Variants in WASHC2A observed in about 807,000 individuals in gnomAD.
The protein encoded by WASHC2A is WASH complex subunit 2A, also known as WASH complex subunit FAM21A.
A neutral mutation model predicts 140.3 loss-of-function variants in WASHC2A; 82 were observed. The ratio of observed to expected loss-of-function variants is 0.58; its 90% CI spans 0.49 to 0.70. The LOEUF is 0.70. WASHC2A is among the 30% of genes least tolerant of loss of function. The pLI, the probability that WASHC2A is intolerant of heterozygous loss-of-function variation, is 0.00. For synonymous variants in WASHC2A, 340 were observed against 560.8 expected (o/e 0.61, Z 5.56); for missense variants, 985 against 1,521.8 (o/e 0.65, Z 5.87).
chr10:50,084,804 T>C, intron 6 of WASHC2A, among the ~76,000 whole-genome samples: 1 of 147,652 alleles, frequency 6.8e-6, no homozygotes, highest in African/African-American at 2.5e-5. Context: ...GGCGCGATCT[T>C]GGCTCACTGC....
At chr10:50,074,907 C>T (rs1425078343) in intron 3 of WASHC2A, among the ~76,000 whole-genome samples, 1 of 151,416 alleles carries the variant, frequency 6.6e-6, no homozygotes, top group Non-Finnish European at 1.5e-5. Context: ...CAGAGCAAGA[C>T]TCCGTCTCAA....
chr10:50,124,497 G>C (rs1843256584), intron 23 of WASHC2A, among the ~76,000 whole-genome samples: 1 of 152,060 alleles, frequency 6.6e-6, no homozygotes, highest in African/African-American at 2.4e-5. Flanking sequence ...AACCAATAAT[G>C]TTGATGGTAA....
At chr10:50,102,864 T>C (rs2132736325) in intron 17 of WASHC2A, among the ~76,000 whole-genome samples, 1 of 150,828 alleles carries the variant, frequency 6.6e-6, no homozygotes, top group East Asian at 1.9e-4. Context: ...TTCTTGATTT[T>C]TATATTTTTT....
intron 18 of WASHC2A, among the ~76,000 whole-genome samples, chr10:50,104,933 T>C (rs1841605506): frequency 6.7e-6 from 1 of 149,574 alleles, no homozygotes; most frequent in Non-Finnish European, 1.5e-5. Flanking sequence ...AGCTTTTCCT[T>C]ATTTTTTTTA....
intron 17 of WASHC2A, among the ~76,000 whole-genome samples, chr10:50,102,363 T>C (rs1443330334): frequency 2.0e-5 from 3 of 152,164 alleles, no homozygotes; most frequent in African/African-American, 7.2e-5. Flanking sequence ...GTAATGGAAG[T>C]GTCTTTTCTT....
At chr10:50,125,289 T>C (rs2133063278) in intron 24 of WASHC2A, 48 bp downstream of exon 24, 2 of 1,598,640 alleles carry the variant, frequency 1.3e-6, no homozygotes, top group Non-Finnish European at 1.7e-6. Context: ...TTGTATTGGG[T>C]GCTGTCTCAA....
Position 50,069,795 on chromosome 10 carries a change from C to A in WASHC2A, c.291+84C>A, listed in dbSNP as rs868938687. 194 of 1,409,746 alleles carry A rather than the reference C, an allele frequency of 1.4e-4. 2 individuals carry two copies. The Middle Eastern group carries it at 4.3e-3, about 31-fold the overall frequency. 87.3% of individuals were successfully genotyped at this position (1,409,746 alleles called of 1,614,324 possible). On this transcript the variant is annotated intron_variant, in intron 3 of 30. Transcript: ENST00000282633. Reference sequence around the variant, plus strand: ...AAATAACTTACTGTTAGGTTCCCTCCTAAATTTTGGTGGAAGTGTGGTTCT... The same window carrying A: ...AAATAACTTACTGTTAGGTTCCCTCATAAATTTTGGTGGAAGTGTGGTTCT...
intron 3 of WASHC2A, among the ~76,000 whole-genome samples, chr10:50,076,434 G>T (rs1838317206): frequency 6.6e-6 from 1 of 152,200 alleles, no homozygotes; most frequent in Admixed American, 6.5e-5. Context: ...TAAATTTCAA[G>T]AAGTAGAATT....
At chr10:50,088,956 T>C (rs1839626646) in intron 8 of WASHC2A, among the ~76,000 whole-genome samples, 1 of 95,616 alleles carries the variant, frequency 1.0e-5, no homozygotes, top group East Asian at 2.3e-4. Flanking sequence ...AGTTTTTCTT[T>C]CCTTTTTTTT....
intron 28 of WASHC2A, among the ~76,000 whole-genome samples, chr10:50,128,136 C>T (rs951141374): frequency 7.7e-4 from 116 of 151,230 alleles, no homozygotes; most frequent in African/African-American, 2.7e-3. Context: ...CGCTTCCTCA[C>T]TACTCCAAGG....
At chr10:50,076,529 G>A (rs1322283735) in intron 3 of WASHC2A, among the ~76,000 whole-genome samples, 4 of 152,198 alleles carry the variant, frequency 2.6e-5, no homozygotes, top group African/African-American at 9.7e-5. Context: ...AGGAGCCATT[G>A]CTGGCAAAGG....
intron 18 of WASHC2A, among the ~76,000 whole-genome samples, chr10:50,105,344 T>C (rs1362261541): frequency 2.0e-5 from 3 of 147,602 alleles, no homozygotes; most frequent in African/African-American, 7.6e-5. Context: ...CTCCACCACT[T>C]GCAAACCAGG....
intron 3 of WASHC2A, among the ~76,000 whole-genome samples, chr10:50,070,471 C>T (rs1176382500): frequency 6.6e-6 from 1 of 152,210 alleles, no homozygotes; most frequent in Non-Finnish European, 1.5e-5. Flanking sequence ...AGTAAGCGAT[C>T]TCCTGAGATT....
intron 11 of WASHC2A, 69 bp downstream of exon 11, chr10:50,092,302 A>G: frequency 1.1e-6 from 1 of 890,738 alleles, no homozygotes; most frequent in South Asian, 1.7e-5. Context: ...TACATAATTC[A>G]TGAAGTACTG....
intron 23 of WASHC2A, among the ~76,000 whole-genome samples, chr10:50,121,413 A>G (rs1283245874): frequency 2.1e-5 from 3 of 143,352 alleles, no homozygotes; most frequent in Non-Finnish European, 3.0e-5. Flanking sequence ...TTTTTTTTGC[A>G]ATGGAGTTTC....
At chr10:50,107,359 T>C (rs1332953469) in intron 19 of WASHC2A, among the ~76,000 whole-genome samples, 3 of 142,752 alleles carry the variant, frequency 2.1e-5, no homozygotes, top group African/African-American at 7.7e-5. Context: ...TCTGGATAGA[T>C]ACTACCAAAT....
At chr10:50,103,666 G>T (rs1841459980) in intron 17 of WASHC2A, among the ~76,000 whole-genome samples, 1 of 152,268 alleles carries the variant, frequency 6.6e-6, no homozygotes, top group South Asian at 2.1e-4. Context: ...TTTCTTTATT[G>T]ACCCTGTCTA....
intron 15 of WASHC2A, among the ~76,000 whole-genome samples, 178 bp from the exon 16 acceptor site, chr10:50,097,497 G>A (rs1190593877): frequency 6.9e-6 from 1 of 145,910 alleles, no homozygotes; most frequent in Non-Finnish European, 1.5e-5. Context: ...CTGCTACTAT[G>A]CACTTTGAAA....
chr10:50,069,964 A>G (rs1260625796), intron 3 of WASHC2A, among the ~76,000 whole-genome samples: 7 of 152,212 alleles, frequency 4.6e-5, no homozygotes, highest in Non-Finnish European at 8.8e-5. Context: ...TTTTGAGAGT[A>G]GTCAGCAATT....
Sources: allele counts gnomAD v4.1 joint callset (sites outside exome capture counted in the v4.1 genomes callset), GRCh38; gene constraint gnomAD v4.1.1; transcripts MANE v1.5; gene names NCBI Gene and HGNC (gene_info 2026-07-23, HGNC 2026-07-21).